The following TNR variants were observed in gnomAD, a reference collection of about 807,000 sequenced individuals.
TNR encodes tenascin-R.
Under a neutral mutation model 150.4 loss-of-function variants are expected in TNR, and 45 were observed. The observed-to-expected ratio is 0.30, with a 90% CI of 0.24 to 0.38. The LOEUF is 0.38. Among genes scored for constraint, TNR ranks in the 10% least tolerant of loss-of-function variants. TNR has a pLI of 1.00. For synonymous variants in TNR, 687 were observed against 678.4 expected (o/e 1.01, Z -0.20); for missense variants, 1,544 against 1,759.1 (o/e 0.88, Z 2.19).
chr1:175,650,790 TCCCCCA>T (rs1664943611), intron 1 of TNR, among the ~76,000 whole-genome samples: 4 of 60,958 alleles, frequency 6.6e-5, no homozygotes, highest in South Asian at 6.5e-4. Flanking sequence ...TTACTCCTCC[TCCCCCA>T]TCTCATTACT....
chr1:175,538,811 G>C (rs763732863), intron 1 of TNR: 1 of 152,196 alleles, frequency 6.6e-6, no homozygotes, highest in Non-Finnish European at 1.5e-5. Flanking sequence ...CTACTTTCTT[G>C]GCATACAGGA....
intron 9 of TNR, among the ~76,000 whole-genome samples, chr1:175,370,108 G>A (rs144486001): frequency 4.5e-4 from 68 of 152,224 alleles, no homozygotes; most frequent in African/African-American, 1.3e-3. Context: ...AGACTTTGAC[G>A]TCTGACATAT....
Position 175,323,201 on chromosome 1 carries a change from C to T in TNR, c.*156G>A. 1 of 957,648 alleles carries T rather than the reference C, an allele frequency of 1.0e-6. No homozygotes were observed. The highest frequency in any genetic ancestry group is 1.5e-6 in the Non-Finnish European group (1 of 671,762). The allele number at this position is 957,648 out of a possible 1,614,324, so 59.3% of individuals were successfully genotyped here. On this transcript the variant is annotated 3_prime_UTR_variant, in exon 23 of 23. Coordinates refer to ENST00000367674, the MANE Select transcript of TNR (RefSeq NM_003285.3). ...GCTCCAGGGCAGCAGAAACCAAGAG[C>T]AGATGTTAGCCAGCGGATTCCTGCG...
chr1:175,403,519 G>A lies in TNR; in HGVS notation c.597C>T (p.Cys199=), dbSNP rs1382704109. 6.8e-6 allele frequency: 11 copies of A among 1,614,224 alleles called. No homozygotes were observed. Among genetic ancestry groups the A allele is most frequent in the Non-Finnish European group, 9.3e-6 (11 of 1,180,046 alleles). ...AACCCAGCGGGCAGTAGGGCTCCGA[G>A]CAATTCTTGCCAAACCAGCCTTCGT... ...ICNEGWFGKN[C]SEPYCPLGCS... The change falls in exon 4 of 23, where the codon TGC becomes TGT. Residue 199 remains cysteine (C), a synonymous_variant. Coordinates refer to ENST00000367674, the MANE Select transcript of TNR (RefSeq NM_003285.3).
chr1:175,365,331 C>G, intron 11 of TNR, 52 bp from the exon 12 acceptor site: 1 of 1,538,800 alleles, frequency 6.5e-7, no homozygotes, highest in East Asian at 2.3e-5. Context: ...AGATGGGTCA[C>G]TGGGCTAGAA....
intron 1 of TNR, among the ~76,000 whole-genome samples, chr1:175,531,089 T>C (rs1660050111): frequency 6.6e-6 from 1 of 152,190 alleles, no homozygotes; most frequent in Non-Finnish European, 1.5e-5. Flanking sequence ...AATGTGGGGT[T>C]TCTGTATTCC....
chr1:175,728,827 C>T (rs756580193), intron 1 of TNR, among the ~76,000 whole-genome samples: 15 of 152,182 alleles, frequency 9.9e-5, no homozygotes, highest in Non-Finnish European at 2.1e-4. Context: ...ATGTGTTATG[C>T]TCTTTCCAGG....
intron 1 of TNR, among the ~76,000 whole-genome samples, chr1:175,650,760 ACTC>A (rs1664940330): frequency 1.7e-3 from 1 of 584 alleles, no homozygotes; most frequent in South Asian, 0.062. Context: ...CCACCTGATT[ACTC>A]CTCCTCCCCG....
At chr1:175,569,045 C>T (rs1052774669) in intron 1 of TNR, among the ~76,000 whole-genome samples, 52 of 151,740 alleles carry the variant, frequency 3.4e-4, no homozygotes, top group African/African-American at 1.1e-3. Context: ...CGTGGTTGGC[C>T]GGGAAGGAGA....
rs1648946044 is a variant in TNR, at chr1:175,319,744, T to G, written c.*3613A>C. The stretch of plus-strand genomic sequence containing the variant: ...CGGTTTTCCTGAGTCCTGGTTTGGC[T>G]CTCCTGGAAACTTGGAGACGTGGCC... On this transcript the variant is annotated 3_prime_UTR_variant, in exon 23 of 23. Transcript: ENST00000367674. 1 of 152,242 alleles carries G rather than the reference T, an allele frequency of 6.6e-6. No homozygotes were observed. The allele number at this position is 152,242 out of a possible 1,614,324, so 9.4% of individuals were successfully genotyped here. A position where few individuals can be genotyped will look rare whatever the true frequency, so the allele number is the denominator to read the frequency against.
rs1660450392 is a variant in TNR at position 175,540,235 on chromosome 1, C to CA, written c.-164-11867dup. 2.0e-5 allele frequency among the ~76,000 whole-genome samples: 3 copies of CA among 152,206 alleles called. No homozygotes were observed. The South Asian group carries it at 6.2e-4, about 31-fold the overall frequency. ...ATAACAGAGGCTCCATGTGACCCTG[C>CA]ATTCAGAAGCTGTGGAAGAAATCTC... On this transcript the variant is annotated intron_variant, in intron 1 of 22. Transcript: ENST00000367674.
chr1:175,429,218 G>T (rs983195138), intron 2 of TNR, among the ~76,000 whole-genome samples: 2 of 152,088 alleles, frequency 1.3e-5, no homozygotes, highest in African/African-American at 4.8e-5. Flanking sequence ...CTTTACAGAA[G>T]AAATTTTCAG....
intron 1 of TNR, among the ~76,000 whole-genome samples, chr1:175,536,576 G>A (rs901186368): frequency 3.3e-5 from 5 of 152,208 alleles, no homozygotes; most frequent in Admixed American, 6.5e-5. Flanking sequence ...GGCCTCCTTT[G>A]TCCTTCCTTC....
chr1:175,331,050 T>TTTCTTTCTTTCTTTCTTTCTTTCC (rs1557867600), intron 20 of TNR, among the ~76,000 whole-genome samples: 3 of 95,758 alleles, frequency 3.1e-5, no homozygotes, highest in African/African-American at 1.2e-4. Flanking sequence ...TCTTTCTTTC[T>TTTCTTTCTTTCTTTCTTTCTTTCC]TTCTTTCTTT....
At chr1:175,392,418 C>T (rs1306347594) in intron 6 of TNR, among the ~76,000 whole-genome samples, 1 of 152,172 alleles carries the variant, frequency 6.6e-6, no homozygotes, top group African/African-American at 2.4e-5. Context: ...AGTTATTAAA[C>T]CATGTGGCCA....
At chr1:175,535,562 G>A (rs1390628323) in intron 1 of TNR, among the ~76,000 whole-genome samples, 2 of 151,744 alleles carry the variant, frequency 1.3e-5, no homozygotes, top group Non-Finnish European at 2.9e-5. Context: ...CCGGGTTCAC[G>A]CTATTCTCCT....
intron 2 of TNR, among the ~76,000 whole-genome samples, chr1:175,425,106 C>T (rs747576181): frequency 6.6e-6 from 1 of 151,924 alleles, no homozygotes; most frequent in Non-Finnish European, 1.5e-5. Context: ...AAACCACTGT[C>T]GAAGACCTTA....
intron 2 of TNR, among the ~76,000 whole-genome samples, chr1:175,421,818 A>G (rs1002936265): frequency 6.6e-6 from 1 of 152,184 alleles, no homozygotes; most frequent in African/African-American, 2.4e-5. Flanking sequence ...CTGATCAGAT[A>G]TGATTATATG....
intron 1 of TNR, among the ~76,000 whole-genome samples, chr1:175,668,607 G>A (rs1404716963): frequency 6.6e-6 from 1 of 152,118 alleles, no homozygotes; most frequent in African/African-American, 2.4e-5. Flanking sequence ...ACTGACACCT[G>A]GCATCTCAAA....
Sources: allele counts gnomAD v4.1 joint callset (sites outside exome capture counted in the v4.1 genomes callset), GRCh38; gene constraint gnomAD v4.1.1; transcripts MANE v1.5; gene names NCBI Gene and HGNC (gene_info 2026-07-23, HGNC 2026-07-21).